CAD: variants seen among roughly 807,000 people sequenced by gnomAD.
CAD encodes the protein multifunctional protein CAD.
CAD carries 81 observed loss-of-function variants against 237.2 expected under a neutral mutation model. That is an observed-to-expected ratio of 0.34 (90% CI 0.29 to 0.41). CAD has a LOEUF of 0.41. Ranked by LOEUF, CAD falls within the 10% of genes least tolerant of loss-of-function variation. CAD has a pLI of 1.00. For synonymous variants in CAD, 1,196 were observed against 1,162.8 expected, an observed-to-expected ratio of 1.03 and a Z score of -0.58; for missense variants, 2,181 against 2,951.7, an observed-to-expected ratio of 0.74 and a Z score of 6.05.
rs1558543824 is a variant in CAD, at chr2:27,239,675, G to GTGCCCTGCCTTCTGCC, written c.5395-18_5395-3dup. The GTGCCCTGCCTTCTGCC allele has an allele frequency of 6.4e-7, 1 of 1,556,116 alleles. No homozygotes were observed. The highest frequency in any genetic ancestry group is 1.4e-5 in the African/African-American group (1 of 73,250). On this transcript the variant is annotated intron_variant, in intron 33 of 43. Coordinates refer to ENST00000264705, the MANE Select transcript of CAD (RefSeq NM_004341.5). This position sits in a 1 kb window ranked among gnomAD's most constrained non-coding sequence, Gnocchi z 4.0. ...CTGAGTTCTCTCTGCTCCCTCCTGA[G>GTGCCCTGCCTTCTGCC]TGCCCTGCCTTCTGCCTGCAGGTTC... is the stretch of plus-strand genomic sequence containing the variant.
In CAD at chr2:27,236,863, A is replaced by G. The variant is rs776475421; in HGVS notation, c.4396+33A>G. On this transcript the variant is annotated intron_variant, in intron 27 of 43. Transcript: ENST00000264705. The surrounding 1 kb of genome is among the most constrained non-coding windows in gnomAD (Gnocchi z 4.1). ...TTTGGGGAGAACTTGGCTTCTGAAC[A>G]CTGGCAGCCCCTGGCATAGAGACCT... 3.8e-6 allele frequency: 6 copies of G among 1,575,892 alleles called. No homozygotes were observed. In the African/African-American group the frequency reaches 6.7e-5, roughly 18 times the overall value.
chr2:27,218,368 G>GA (rs1199652068), intron 2 of CAD, among the ~76,000 whole-genome samples: 1 of 152,194 alleles, frequency 6.6e-6, no homozygotes, highest in African/African-American at 2.4e-5. Context: ...GAAGTCAGGA[G>GA]AAAAAAGCCT....
rs945549636 is a variant in CAD, at chr2:27,243,728, C to T, written c.*210C>T. On this transcript the variant is annotated 3_prime_UTR_variant, in exon 44 of 44. Transcript: ENST00000264705. ...AGTCTGCCCCATCTTCATTCCTGCA[C>T]CTTAAACCTGTACAGTCATTTTTCT... 2 of 584,516 alleles carry T rather than the reference C, an allele frequency of 3.4e-6. No individual in the cohort carries two copies. Among genetic ancestry groups the T allele is most frequent in the South Asian group, 4.3e-5 (2 of 46,532 alleles). The allele number at this position is 584,516 out of a possible 1,614,324, so 36.2% of individuals were successfully genotyped here.
Position 27,233,565 on chromosome 2 carries a change from A to G in CAD, c.3216+29A>G. The G allele has an allele frequency of 6.2e-7, 1 of 1,613,702 alleles. No individual in the cohort carries two copies. The highest frequency in any genetic ancestry group is 1.1e-5 in the South Asian group (1 of 91,084). ...GGCTGGGACCTGGTGGGTTACCCGG[A>G]GGCTGGATGATGCTTGGGGGAAAGT... On this transcript the variant is annotated intron_variant, in intron 20 of 43. Transcript: ENST00000264705. The surrounding 1 kb of genome is among the most constrained non-coding windows in gnomAD (Gnocchi z 6.3).
Position 27,232,512 on chromosome 2 carries a change from G to T in CAD, c.2710G>T (p.Asp904Tyr). 6.2e-7 allele frequency: 1 copy of T among 1,614,218 alleles called. No individual in the cohort carries two copies. Among genetic ancestry groups the T allele is most frequent in the South Asian group, 1.1e-5 (1 of 91,072 alleles). ...GATCTGTCCAGCAGTGAAACAGATTGACACAGTTGCAGCTGAGTGGCCAGC... is the reference window on the plus strand; with the variant it reads ...GATCTGTCCAGCAGTGAAACAGATTTACACAGTTGCAGCTGAGTGGCCAGC... ...LGICPAVKQI[D>Y]TVAAEWPAQT... is the part of the protein sequence containing the mutation. Residue 904 changes from aspartate to tyrosine, a missense_variant, in exon 18 of 44, where the codon GAC (aspartate) becomes TAC (tyrosine). By Grantham distance (160) the Asp-to-Tyr change is radical. Transcript: ENST00000264705. The surrounding 1 kb of genome is among the most constrained non-coding windows in gnomAD (Gnocchi z 4.1).
chr2:27,239,031 C>G lies in CAD; in HGVS notation c.5063-11C>G. The G allele has an allele frequency of 1.3e-6, 2 of 1,540,138 alleles. No homozygotes were observed. The highest frequency in any genetic ancestry group is 8.7e-7 in the Non-Finnish European group (1 of 1,146,480). On this transcript the variant is annotated splice_polypyrimidine_tract_variant and intron_variant, in intron 31 of 43. Coordinates refer to ENST00000264705, the MANE Select transcript of CAD (RefSeq NM_004341.5). The surrounding 1 kb of genome is among the most constrained non-coding windows in gnomAD (Gnocchi z 4.0). ...GATTGGTCCTGAGGGTAATGGCTTTCTTTCTCCCAGCTCCCCATACCTTGG... is the reference window on the plus strand; with the variant it reads ...GATTGGTCCTGAGGGTAATGGCTTTGTTTCTCCCAGCTCCCCATACCTTGG...
intron 15 of CAD, among the ~76,000 whole-genome samples, chr2:27,231,005 T>C (rs1675724709): frequency 6.6e-6 from 1 of 152,162 alleles, no homozygotes; most frequent in Non-Finnish European, 1.5e-5. Flanking sequence ...TTTGTTTGTT[T>C]GTTTGTTTTG....
chr2:27,228,843 G>T (rs1675571810), intron 15 of CAD, among the ~76,000 whole-genome samples: 1 of 151,834 alleles, frequency 6.6e-6, no homozygotes, highest in South Asian at 2.1e-4. Context: ...ACCCACCTTT[G>T]GCCTCCCAAA....
At chr2:27,223,845 A>G in intron 7 of CAD, 72 bp from the exon 8 acceptor site, 1 of 1,546,328 alleles carries the variant, frequency 6.5e-7, no homozygotes, top group Non-Finnish European at 8.9e-7. Flanking sequence ...CCCCTGTCCC[A>G]CTACCCACCT....
chr2:27,242,168 C>T lies in CAD; in HGVS notation c.6096+45C>T, dbSNP rs1406029027. 2 of 1,599,956 alleles carry T rather than the reference C, an allele frequency of 1.3e-6. No homozygotes were observed. Among genetic ancestry groups the T allele is most frequent in the Admixed American group, 3.3e-5 (2 of 59,752 alleles). On this transcript the variant is annotated intron_variant, in intron 39 of 43. Coordinates refer to ENST00000264705, the MANE Select transcript of CAD (RefSeq NM_004341.5). This position sits in a 1 kb window ranked among gnomAD's most constrained non-coding sequence, Gnocchi z 6.4. ...TGAGATGGGGTTAAGAAGGCTGGAC[C>T]CAGGGGCATGAGAACCCTTCTGCCC...
At position 27,226,368 on chromosome 2, in the gene CAD, T is replaced by A. The variant is rs193016872; in HGVS notation, c.2031+49T>A. The A allele has an allele frequency of 1.3e-5, 20 of 1,588,580 alleles. No individual in the cohort carries two copies. In the African/African-American group the frequency reaches 2.7e-4, roughly 21 times the overall value. ...ATAGTCTAGTTGTTACCCCCTCTTC[T>A]TGTATAATTTTTGGCCCTTGAGGTT... On this transcript the variant is annotated intron_variant, in intron 13 of 43. Coordinates refer to ENST00000264705, the MANE Select transcript of CAD (RefSeq NM_004341.5).
At position 27,242,012 on chromosome 2, in the gene CAD, G is replaced by A. The variant is rs904238748; in HGVS notation, c.5985G>A (p.Ser1995=). Residue 1995 remains serine (S), a synonymous_variant, in exon 39 of 44, where the codon TCG becomes TCA. Coordinates refer to ENST00000264705, the MANE Select transcript of CAD (RefSeq NM_004341.5). The surrounding 1 kb of genome is among the most constrained non-coding windows in gnomAD (Gnocchi z 6.4). Reference sequence around the variant, plus strand: ...TGGGAGGTGCTGTGCTCAGCTTCTCGGAAGCCACATCGTCCGTCCAGAAGG... The same window carrying A: ...TGGGAGGTGCTGTGCTCAGCTTCTCAGAAGCCACATCGTCCGTCCAGAAGG... ...ARLGGAVLSF[S]EATSSVQKGE... is the part of the protein sequence containing the mutation. 8.1e-6 allele frequency: 13 copies of A among 1,613,132 alleles called. No homozygotes were observed. The highest frequency in any genetic ancestry group is 5.1e-6 in the Non-Finnish European group (6 of 1,180,020).
chr2:27,243,182 C>A lies in CAD; in HGVS notation c.6481-16C>A. On this transcript the variant is annotated splice_polypyrimidine_tract_variant and intron_variant, in intron 42 of 43. Transcript: ENST00000264705. The stretch of plus-strand genomic sequence containing the variant: ...CCTACCCCAAGGCACTAATGGGGAC[C>A]CCATCTGCTTTGCAGTGCTTTGGTC... 1 of 1,613,088 alleles carries A rather than the reference C, an allele frequency of 6.2e-7. No individual in the cohort carries two copies.
At position 27,242,783 on chromosome 2, in the gene CAD, C is replaced by G. The variant is rs1020883539; in HGVS notation, c.6378+8C>G. 2 of 1,614,072 alleles carry G rather than the reference C, an allele frequency of 1.2e-6. No individual in the cohort carries two copies. The highest frequency in any genetic ancestry group is 1.7e-6 in the Non-Finnish European group (2 of 1,180,036). ...TCCCGCGGCACCAAGCAGGTGAGAC[C>G]CTCACAGCCCTGCCTGGAAGCCATG... is the stretch of plus-strand genomic sequence containing the variant. On this transcript the variant is annotated splice_region_variant and intron_variant, in intron 41 of 43. Coordinates refer to ENST00000264705, the MANE Select transcript of CAD (RefSeq NM_004341.5). This position sits in a 1 kb window ranked among gnomAD's most constrained non-coding sequence, Gnocchi z 6.4.
In CAD at chr2:27,236,658, T is replaced by C. The variant is rs917113963; in HGVS notation, c.4315-91T>C. On this transcript the variant is annotated intron_variant, in intron 26 of 43. Coordinates refer to ENST00000264705, the MANE Select transcript of CAD (RefSeq NM_004341.5). This position sits in a 1 kb window ranked among gnomAD's most constrained non-coding sequence, Gnocchi z 4.1. ...AGAGGGAGAGATGGTGGGTATAGAG[T>C]GTGCAGAGCCTGGTTTATGGGAAAA... is the stretch of plus-strand genomic sequence containing the variant. 16 of 1,542,384 alleles carry C rather than the reference T, an allele frequency of 1.0e-5. No individual in the cohort carries two copies. The highest frequency in any genetic ancestry group is 3.3e-5 in the Admixed American group (2 of 59,782).
chr2:27,224,279 C>G, intron 8 of CAD, 66 bp from the exon 9 acceptor site: 2 of 1,568,990 alleles, frequency 1.3e-6, no homozygotes, highest in South Asian at 2.3e-5. Context: ...AGCGAGGGAG[C>G]TAATCCAGTT....
chr2:27,238,358 T>C, intron 30 of CAD, 73 bp from the exon 31 acceptor site: 2 of 1,473,850 alleles, frequency 1.4e-6, no homozygotes, highest in South Asian at 1.3e-5. Flanking sequence ...AGCAGGGATG[T>C]TGGCCATTGG....
chr2:27,221,780 T>TTTTTTA (rs1491358907), intron 3 of CAD, among the ~76,000 whole-genome samples: 4,581 of 118,640 alleles, frequency 0.039, 97 homozygotes, highest in African/African-American at 0.051. Flanking sequence ...TTTTTTTTTT[T>TTTTTTA]CTGTTCATTT....
In CAD at chr2:27,233,386, C is replaced by G; in HGVS notation, c.3066C>G (p.Asn1022Lys). ...CCATGGGTGGACAGCTGCCCAACAA[C>G]ATGGCCATGGCGTTGCATCGGCAGC... ...ILSMGGQLPN[N>K]MAMALHRQQC... Residue 1022 changes from asparagine to lysine, a missense_variant, in exon 20 of 44, where the codon AAC (asparagine) becomes AAG (lysine). Coordinates refer to ENST00000264705, the MANE Select transcript of CAD (RefSeq NM_004341.5). This position sits in a 1 kb window ranked among gnomAD's most constrained non-coding sequence, Gnocchi z 6.3. The G allele has an allele frequency of 2.5e-6, 4 of 1,614,266 alleles. No homozygotes were observed. The highest frequency in any genetic ancestry group is 3.4e-6 in the Non-Finnish European group (4 of 1,180,038).
Sources: gnomAD v4.1 joint callset for allele counts (sites outside exome capture counted in the v4.1 genomes callset) on GRCh38, gnomAD v4.1.1 for gene constraint, Gnocchi (gnomAD v3.1) non-coding constraint, MANE v1.5 for transcripts, NCBI Gene and HGNC (gene_info 2026-07-23, HGNC 2026-07-21) for gene names.